Variants in SLC2A13 observed in about 807,000 individuals in gnomAD.
The protein encoded by SLC2A13 is proton myo-inositol cotransporter.
Under a neutral mutation model 64.4 loss-of-function variants are expected in SLC2A13, and 32 were observed. The ratio of observed to expected loss-of-function variants is 0.50; its 90% CI spans 0.37 to 0.67. The LOEUF (loss-of-function observed/expected upper bound fraction) is 0.67, where lower values mean the gene tolerates loss of function less well. Ranked by LOEUF, SLC2A13 falls within the 30% of genes least tolerant of loss-of-function variation. The pLI, the probability that SLC2A13 is intolerant of heterozygous loss-of-function variation, is 0.00. For missense variants in SLC2A13, 743 were observed against 829.2 expected (o/e 0.90, Z 1.28); for synonymous variants, 338 against 327.1 (o/e 1.03, Z -0.36).
chr12:39,955,759 G>A (rs761629772), intron 3 of SLC2A13, among the ~76,000 whole-genome samples: 2 of 152,074 alleles, frequency 1.3e-5, no homozygotes, highest in African/African-American at 2.4e-5. Flanking sequence ...AGGAAGATTC[G>A]AGACAAAAGC....
At chr12:39,853,999 C>T (rs963230484) in intron 6 of SLC2A13, among the ~76,000 whole-genome samples, 12 of 152,032 alleles carry the variant, frequency 7.9e-5, no homozygotes, top group African/African-American at 2.9e-4. Flanking sequence ...AATACCTAGC[C>T]CTTCAATATG....
intron 7 of SLC2A13, among the ~76,000 whole-genome samples, chr12:39,784,206 C>T (rs1432086797): frequency 6.6e-6 from 1 of 152,120 alleles, no homozygotes; most frequent in Non-Finnish European, 1.5e-5. Flanking sequence ...ACTTTCTTCA[C>T]AGAATTGGAA....
At chr12:39,821,629 G>C (rs769843875) in intron 7 of SLC2A13, among the ~76,000 whole-genome samples, 5 of 152,144 alleles carry the variant, frequency 3.3e-5, no homozygotes, top group Non-Finnish European at 7.3e-5. Context: ...AAATCTAATG[G>C]AACACCTTCT....
intron 6 of SLC2A13, among the ~76,000 whole-genome samples, chr12:39,841,594 G>A (rs1943180715): frequency 6.6e-6 from 1 of 151,996 alleles, no homozygotes; most frequent in African/African-American, 2.4e-5. Flanking sequence ...GTAAATAAAT[G>A]TGTGCATAAT....
At chr12:39,829,392 C>CTTTTTTTTTGTTTT (rs1942787312) in intron 7 of SLC2A13, 1 of 65,796 alleles carries the variant, frequency 1.5e-5, no homozygotes, top group Non-Finnish European at 2.5e-5. Context: ...GATAGTAATT[C>CTTTTTTTTTGTTTT]TTTTTTTTTT....
chr12:39,997,860 T>C (rs550250254), intron 3 of SLC2A13, among the ~76,000 whole-genome samples: 79 of 151,914 alleles, frequency 5.2e-4, no homozygotes, highest in African/African-American at 1.9e-3. Flanking sequence ...AATCAAAAAA[T>C]TAAAAAATAG....
chr12:39,861,811 A>C (rs1199316147), intron 6 of SLC2A13, among the ~76,000 whole-genome samples: 1 of 152,196 alleles, frequency 6.6e-6, no homozygotes, highest in African/African-American at 2.4e-5. Context: ...AGCAACTTGC[A>C]TCTGTCTTTA....
At chr12:39,779,878 G>C (rs958575435) in intron 7 of SLC2A13, among the ~76,000 whole-genome samples, 5 of 152,202 alleles carry the variant, frequency 3.3e-5, no homozygotes, top group African/African-American at 1.2e-4. Flanking sequence ...TCTCTGGCTC[G>C]TGTTTATCTG....
chr12:39,876,098 C>T (rs1382726585), intron 4 of SLC2A13, among the ~76,000 whole-genome samples: 1 of 152,126 alleles, frequency 6.6e-6, no homozygotes. Context: ...ATTCCCTGGG[C>T]CAACTTTGGT....
intron 4 of SLC2A13, among the ~76,000 whole-genome samples, chr12:39,878,917 A>T (rs1944267622): frequency 6.6e-6 from 1 of 152,206 alleles, no homozygotes; most frequent in African/African-American, 2.4e-5. Flanking sequence ...GAGGCCTAGG[A>T]GTATAGAATG....
intron 6 of SLC2A13, among the ~76,000 whole-genome samples, chr12:39,843,947 C>G (rs1943242765): frequency 6.6e-6 from 1 of 151,958 alleles, no homozygotes; most frequent in Admixed American, 6.6e-5. Flanking sequence ...CCCCCCAAAG[C>G]ATTACAAACT....
intron 6 of SLC2A13, among the ~76,000 whole-genome samples, chr12:39,846,667 C>T (rs146832415): frequency 6.6e-6 from 1 of 152,168 alleles, no homozygotes; most frequent in East Asian, 1.9e-4. Context: ...GCCCAGGCTG[C>T]TCTTGAACTC....
intron 7 of SLC2A13, among the ~76,000 whole-genome samples, chr12:39,808,953 G>GT (rs1942060439): frequency 6.6e-6 from 1 of 151,950 alleles, no homozygotes; most frequent in Non-Finnish European, 1.5e-5. Context: ...CTTTTGTTGT[G>GT]TGTGCTTTTT....
Position 39,930,055 on chromosome 12 carries a change from C to T in SLC2A13, c.1034+21202G>A, listed in dbSNP as rs531870530. On this transcript the variant is annotated intron_variant, in intron 4 of 9. Coordinates refer to ENST00000280871, the MANE Select transcript of SLC2A13 (RefSeq NM_052885.4). ...CTGAGGCAGGAGAATCGCTTGAACC[C>T]GGGAGGCAGAGGTTGCAGTGTGTGG... 5.3e-5 allele frequency among the ~76,000 whole-genome samples: 8 copies of T among 150,642 alleles called. No individual in the cohort carries two copies. In the South Asian group the frequency reaches 1.0e-3, roughly 20 times the overall value.
At chr12:39,909,859 G>GTTTT (rs568950500) in intron 4 of SLC2A13, among the ~76,000 whole-genome samples, 44 of 132,410 alleles carry the variant, frequency 3.3e-4, no homozygotes, top group Admixed American at 9.8e-4. Flanking sequence ...CTTACAGTTT[G>GTTTT]TTTTTTTTTT....
rs559570711 is a variant in SLC2A13, at chr12:39,790,151, GTTAATTTA to G, written c.1446-25301_1446-25294del. ...TCTTTTTTTTTTTTGACAGACTAAG[GTTAATTTA>G]TCATTGAAGAAAGAATTTTTTATTA... On this transcript the variant is annotated intron_variant, in intron 7 of 9. Coordinates refer to ENST00000280871, the MANE Select transcript of SLC2A13 (RefSeq NM_052885.4). 7.7e-3 allele frequency among the ~76,000 whole-genome samples: 1,133 copies of G among 146,674 alleles called. 15 individuals carry two copies. Among genetic ancestry groups the G allele is most frequent in the African/African-American group, 0.027 (1,083 of 39,908 alleles).
In SLC2A13 at chr12:40,105,841, C is replaced by T. The variant is rs949539275; in HGVS notation, c.-33G>A. 854 of 1,362,522 alleles carry T rather than the reference C, an allele frequency of 6.3e-4. 2 individuals carry two copies. Among genetic ancestry groups the T allele is most frequent in the Non-Finnish European group, 7.4e-4 (781 of 1,059,688 alleles). The allele number at this position is 1,362,522 out of a possible 1,614,324, so 84.4% of individuals were successfully genotyped here. A position where few individuals can be genotyped will look rare whatever the true frequency, so the allele number is the denominator to read the frequency against. On this transcript the variant is annotated 5_prime_UTR_variant, in exon 1 of 10. Transcript: ENST00000280871. This position sits in a 1 kb window ranked among gnomAD's most constrained non-coding sequence, Gnocchi z 4.2. ...GGGCCCGGGGCTGCCCGGGGGGACG[C>T]GGCTCCGCGGGCCGGCAGTCTCGGC... is the stretch of plus-strand genomic sequence containing the variant.
chr12:39,870,342 C>T (rs534434217), intron 5 of SLC2A13, among the ~76,000 whole-genome samples: 139 of 152,246 alleles, frequency 9.1e-4, no homozygotes, highest in African/African-American at 3.2e-3. Flanking sequence ...ATTTCCAGCC[C>T]ACTGTGGAAA....
At chr12:39,836,132 A>G (rs1434144094) in intron 6 of SLC2A13, among the ~76,000 whole-genome samples, 1 of 152,132 alleles carries the variant, frequency 6.6e-6, no homozygotes, top group Non-Finnish European at 1.5e-5. Flanking sequence ...GTAAAAGGAC[A>G]TTACAATATT....
Sources: gnomAD v4.1 joint callset for allele counts (sites outside exome capture counted in the v4.1 genomes callset) on GRCh38, gnomAD v4.1.1 for gene constraint, Gnocchi (gnomAD v3.1) non-coding constraint, MANE v1.5 for transcripts, NCBI Gene and HGNC (gene_info 2026-07-23, HGNC 2026-07-21) for gene names.